Variants in CASP4 observed in about 807,000 individuals in gnomAD.
CASP4 encodes caspase 4.
Under a neutral mutation model 41.3 loss-of-function variants are expected in CASP4, and 29 were observed. The ratio of observed to expected loss-of-function variants is 0.70; its 90% CI spans 0.52 to 0.96. The LOEUF (loss-of-function observed/expected upper bound fraction) is 0.96. CASP4 is among the 40% of genes least tolerant of loss of function. The probability of loss-of-function intolerance (pLI) is 0.00; values close to 1 mark genes in which losing one functional copy is unlikely to be tolerated. For synonymous variants in CASP4, 185 were observed against 158.4 expected, an observed-to-expected ratio of 1.17 and a Z score of -1.26; for missense variants, 447 against 460.6, an observed-to-expected ratio of 0.97 and a Z score of 0.27.
At position 104,956,657 on chromosome 11, in the gene CASP4, A is replaced by G. The variant is rs531745631; in HGVS notation, c.8-1656T>C. 6.1e-5 allele frequency: 60 copies of G among 985,052 alleles called. No homozygotes were observed. In the African/African-American group the frequency reaches 9.6e-4, roughly 16 times the overall value. The allele number at this position is 985,052 out of a possible 1,614,324, so 61.0% of individuals were successfully genotyped here. ...GACAAGATATTTAAGGGGCTCAGAA[A>G]ACATTAGTGCATTCCAACAGGTGAG... On this transcript the variant is annotated intron_variant, in intron 1 of 8. Coordinates refer to ENST00000444739, the MANE Select transcript of CASP4 (RefSeq NM_001225.4).
At chr11:104,962,273 G>T (rs775739625) in intron 1 of CASP4, among the ~76,000 whole-genome samples, 14 of 152,146 alleles carry the variant, frequency 9.2e-5, no homozygotes, top group Non-Finnish European at 1.5e-4. Flanking sequence ...AAGGCACCCA[G>T]AAATCTGGTA....
At position 104,966,305 on chromosome 11, in the gene CASP4, A is replaced by G. The variant is rs564796816; in HGVS notation, c.7+2214T>C. 2.0e-5 allele frequency among the ~76,000 whole-genome samples: 3 copies of G among 149,882 alleles called. No individual in the cohort carries two copies. The South Asian group carries it at 6.3e-4, about 31-fold the overall frequency. ...ATTTCAACAGAAGGAAGGCATGTTCATTCCCCTATCCATTCAGGTATATTT... is the reference window on the plus strand; with the variant it reads ...ATTTCAACAGAAGGAAGGCATGTTCGTTCCCCTATCCATTCAGGTATATTT... On this transcript the variant is annotated intron_variant, in intron 1 of 8. Transcript: ENST00000444739.
Position 104,947,160 on chromosome 11 carries a change from A to G in CASP4, c.958T>C (p.Ser320Pro). ...GTGATGAGTTGTGTGATGAAGATAG[A>G]GCCCATTGTGCTGTCTCTCCAGGAC... ...NVSWRDSTMGSIFITQLITCF... is the reference protein window; with the variant it reads ...NVSWRDSTMGPIFITQLITCF... The change falls in exon 7 of 9, where the codon TCT becomes CCT. Residue 320 changes from serine to proline, a missense_variant. Transcript: ENST00000444739. The G allele has an allele frequency of 6.2e-7, 1 of 1,612,646 alleles. No individual in the cohort carries two copies. Among genetic ancestry groups the G allele is most frequent in the Non-Finnish European group, 8.5e-7 (1 of 1,178,898 alleles).
At chr11:104,968,264 T>G (rs569096654) in intron 1 of CASP4, among the ~76,000 whole-genome samples, 1 of 152,362 alleles carries the variant, frequency 6.6e-6, no homozygotes, top group Admixed American at 6.5e-5. Flanking sequence ...TGGCTTTCTT[T>G]ACCCTCCCTT....
At position 104,948,595 on chromosome 11, in the gene CASP4, T is replaced by C. The variant is rs1264301574; in HGVS notation, c.863A>G (p.Glu288Gly). 5 of 1,611,602 alleles carry C rather than the reference T, an allele frequency of 3.1e-6. No individual in the cohort carries two copies. The Admixed American group carries it at 8.4e-5, about 27-fold the overall frequency. The stretch of plus-strand genomic sequence containing the variant: ...CACGTGGGTCTTGTAAACAGCATCT[T>C]CCTCTAGGTTCTCAGATGACTGTGA... ...ASSQSSENLE[E>G]DAVYKTHVEK... is the part of the protein sequence containing the mutation. Residue 288 changes from glutamate to glycine, a missense_variant, in exon 6 of 9, where the codon GAA (glutamate) becomes GGA (glycine). Glu to Gly is a moderately conservative substitution (Grantham distance 98). Coordinates refer to ENST00000444739, the MANE Select transcript of CASP4 (RefSeq NM_001225.4).
intron 1 of CASP4, among the ~76,000 whole-genome samples, chr11:104,963,005 C>T (rs1253914992): frequency 6.6e-6 from 1 of 152,144 alleles, no homozygotes; most frequent in Non-Finnish European, 1.5e-5. Context: ...CTTACCACAC[C>T]TTTGAAGCAC....
chr11:104,960,381 C>A (rs1860831470), intron 1 of CASP4, among the ~76,000 whole-genome samples: 4 of 152,184 alleles, frequency 2.6e-5, no homozygotes, highest in Admixed American at 2.0e-4. Context: ...CTCTCTGATT[C>A]TTCCAGAGGA....
intron 6 of CASP4, chr11:104,947,741 C>CA (rs1476480258): frequency 6.6e-6 from 1 of 152,050 alleles, no homozygotes; most frequent in Non-Finnish European, 1.5e-5. Flanking sequence ...AGGGTGGTGC[C>CA]AGTAGTAACC....
chr11:104,947,871 G>A (rs1470025601), intron 6 of CASP4: 2 of 152,152 alleles, frequency 1.3e-5, no homozygotes, highest in African/African-American at 4.8e-5. Context: ...ATCTTTTGGA[G>A]AAGAGAGATA....
intron 7 of CASP4, among the ~76,000 whole-genome samples, 191 bp from the exon 8 acceptor site, chr11:104,945,042 G>A (rs931405234): frequency 5.3e-5 from 8 of 152,144 alleles, no homozygotes; most frequent in South Asian, 2.1e-4. Context: ...CAGACTGTAT[G>A]CTTTACATCA....
rs1406950205 is a variant in CASP4, at chr11:104,942,904, A to C, written c.*75T>G. ...ACTTTTATTGAAATACAAAATGTTA[A>C]ATATGCAAGCTGTACTAATGAAGGT... On this transcript the variant is annotated 3_prime_UTR_variant, in exon 9 of 9. Coordinates refer to ENST00000444739, the MANE Select transcript of CASP4 (RefSeq NM_001225.4). 1 of 456,164 alleles carries C rather than the reference A, an allele frequency of 2.2e-6. No homozygotes were observed. The highest frequency in any genetic ancestry group is 6.9e-5 in the East Asian group (1 of 14,396). 28.3% of individuals were successfully genotyped at this position (456,164 alleles called of 1,614,324 possible). A position where few individuals can be genotyped will look rare whatever the true frequency, so the allele number is the denominator to read the frequency against.
intron 7 of CASP4, among the ~76,000 whole-genome samples, chr11:104,946,395 G>A (rs893662165): frequency 6.6e-6 from 1 of 152,082 alleles, no homozygotes; most frequent in East Asian, 1.9e-4. Flanking sequence ...CCATCACGAA[G>A]TTTGCATGTT....
intron 5 of CASP4, 99 bp downstream of exon 5, chr11:104,949,444 T>TCC: frequency 8.1e-7 from 1 of 1,242,126 alleles, no homozygotes; most frequent in South Asian, 1.2e-5. Flanking sequence ...TTATTTACAC[T>TCC]GGATGAGGTT....
chr11:104,958,664 G>A (rs1442166399), intron 1 of CASP4, among the ~76,000 whole-genome samples: 3 of 151,950 alleles, frequency 2.0e-5, no homozygotes, highest in Non-Finnish European at 4.4e-5. Flanking sequence ...TACACTGTTG[G>A]TAAAACGTAA....
chr11:104,944,226 A>T (rs900177346), intron 8 of CASP4: 1 of 158,978 alleles, frequency 6.3e-6, no homozygotes, highest in African/African-American at 2.4e-5. Context: ...GGATGTCAGT[A>T]ATGTGGTATT....
chr11:104,957,618 T>C (rs1293134186), intron 1 of CASP4, among the ~76,000 whole-genome samples: 1 of 152,084 alleles, frequency 6.6e-6, no homozygotes, highest in East Asian at 1.9e-4. Context: ...AAAATATTGA[T>C]AGGGAAAACT....
At chr11:104,952,308 A>G (rs1237793574) in intron 2 of CASP4, among the ~76,000 whole-genome samples, 1 of 151,994 alleles carries the variant, frequency 6.6e-6, no homozygotes, top group East Asian at 1.9e-4. Flanking sequence ...CAAAGGTTTT[A>G]CTCCAGGATA....
intron 1 of CASP4, among the ~76,000 whole-genome samples, chr11:104,959,531 A>G (rs1171837708): frequency 1.3e-5 from 2 of 152,228 alleles, no homozygotes; most frequent in Non-Finnish European, 2.9e-5. Flanking sequence ...TTAAAAGAAT[A>G]AATAAATCAT....
rs1860518518 is a variant in CASP4 at position 104,948,529 on chromosome 11, A to G, written c.925+4T>C. On this transcript the variant is annotated splice_donor_region_variant and intron_variant, in intron 6 of 8. Transcript: ENST00000444739. ...ATCCCTTACTGCCACTGAAAGATAC[A>G]TACGTGGCGTTGAAGAGCAGAAAGC... 1 of 1,598,334 alleles carries G rather than the reference A, an allele frequency of 6.3e-7. No homozygotes were observed. The highest frequency in any genetic ancestry group is 8.5e-7 in the Non-Finnish European group (1 of 1,170,220).
Sources: gnomAD v4.1 joint callset for allele counts (sites outside exome capture counted in the v4.1 genomes callset) on GRCh38, gnomAD v4.1.1 for gene constraint, MANE v1.5 for transcripts, NCBI Gene and HGNC (gene_info 2026-07-23, HGNC 2026-07-21) for gene names.